ANKRD18A: variants seen among roughly 807,000 people sequenced by gnomAD.
ANKRD18A encodes the protein ankyrin repeat domain-containing protein 18A.
ANKRD18A carries 72 observed loss-of-function variants against 110.6 expected under a neutral mutation model. That is an observed-to-expected ratio of 0.65 (90% CI 0.54 to 0.79). ANKRD18A has a LOEUF of 0.79. Among genes scored for constraint, ANKRD18A ranks in the 30% least tolerant of loss-of-function variants. ANKRD18A has a pLI of 0.00. For missense variants in ANKRD18A, 934 were observed against 1,163.3 expected (o/e 0.80, Z 2.87); for synonymous variants, 305 against 410.3 (o/e 0.74, Z 3.10).
At chr9:38,597,782 A>C (rs1211105404) in intron 8 of ANKRD18A, among the ~76,000 whole-genome samples, 1 of 152,200 alleles carries the variant, frequency 6.6e-6, no homozygotes, top group Non-Finnish European at 1.5e-5. Flanking sequence ...CATAACGTAC[A>C]GGACTCAGCC....
chr9:38,596,573 T>C (rs1824891778), intron 8 of ANKRD18A, among the ~76,000 whole-genome samples, 170 bp from the exon 9 acceptor site: 1 of 152,064 alleles, frequency 6.6e-6, no homozygotes, highest in Non-Finnish European at 1.5e-5. Context: ...AGAACATACA[T>C]TTCAAAAAGT....
At position 38,618,491 on chromosome 9, in the gene ANKRD18A, A is replaced by G. The variant is rs1200786966; in HGVS notation, c.206+1589T>C. Among the ~76,000 whole-genome samples the G allele has an allele frequency of 1.1e-4, 16 of 152,290 alleles. 1 individual carries two copies. Among genetic ancestry groups the G allele is most frequent in the Middle Eastern group, 6.8e-3 (2 of 294 alleles). ...GTTCTTGTTAACATAAATGCTGGGGAAAAAAAGTGCATGTATCTCTATTTT... is the reference window on the plus strand; with the variant it reads ...GTTCTTGTTAACATAAATGCTGGGGGAAAAAAGTGCATGTATCTCTATTTT... On this transcript the variant is annotated intron_variant, in intron 1 of 15. Coordinates refer to ENST00000399703, the MANE Select transcript of ANKRD18A (RefSeq NM_147195.4).
At chr9:38,572,149 C>T in intron 15 of ANKRD18A, 90 bp from the exon 16 acceptor site, 1 of 974,276 alleles carries the variant, frequency 1.0e-6, no homozygotes, top group Non-Finnish European at 1.5e-6. Context: ...AGAACGTTAT[C>T]AGAGTTAATA....
intron 10 of ANKRD18A, 67 bp from the exon 11 acceptor site, chr9:38,588,730 A>G (rs1587502958): frequency 2.9e-6 from 3 of 1,040,076 alleles, no homozygotes; most frequent in Non-Finnish European, 2.5e-6. Flanking sequence ...TAAAAATATT[A>G]TTTCTCATAA....
At chr9:38,609,304 C>G (rs930519466) in intron 5 of ANKRD18A, among the ~76,000 whole-genome samples, 2 of 151,978 alleles carry the variant, frequency 1.3e-5, no homozygotes, top group Non-Finnish European at 2.9e-5. Flanking sequence ...ATGGTGAAAC[C>G]CCGTCACCAC....
chr9:38,592,243 G>A (rs544942441), intron 10 of ANKRD18A, among the ~76,000 whole-genome samples: 1 of 151,884 alleles, frequency 6.6e-6, no homozygotes, highest in East Asian at 1.9e-4. Context: ...GTTCTATGCT[G>A]AAAGCTGCCA....
intron 10 of ANKRD18A, among the ~76,000 whole-genome samples, chr9:38,593,281 CAT>C (rs1459934804): frequency 2.6e-5 from 4 of 152,158 alleles, no homozygotes; most frequent in African/African-American, 4.8e-5. Context: ...TAACCTAAAA[CAT>C]GTGCATTTCA....
chr9:38,595,545 C>G lies in ANKRD18A; in HGVS notation c.1795G>C (p.Glu599Gln). ...LEERNKELMK[E>Q]YNYLKEKLLQ... ...AGTTTTTCTTTTAAATAATTATATT[C>G]TTTCATTAATTCCTTATTTCTTTCT... The change falls in exon 9 of 16, where the codon GAA (glutamate) becomes CAA (glutamine). Residue 599 changes from glutamate (E) to glutamine (Q), a missense_variant. Glu to Gln is a conservative substitution (Grantham distance 29, BLOSUM62 2). Coordinates refer to ENST00000399703, the MANE Select transcript of ANKRD18A (RefSeq NM_147195.4). The G allele has an allele frequency of 6.5e-7, 1 of 1,526,922 alleles. No individual in the cohort carries two copies. The highest frequency in any genetic ancestry group is 8.8e-7 in the Non-Finnish European group (1 of 1,137,684). The allele number at this position is 1,526,922 out of a possible 1,614,324, so 94.6% of individuals were successfully genotyped here.
intron 12 of ANKRD18A, among the ~76,000 whole-genome samples, chr9:38,578,722 C>A: frequency 6.6e-6 from 1 of 152,020 alleles, no homozygotes; most frequent in Admixed American, 6.6e-5. Flanking sequence ...TACAAAAAAA[C>A]AAATTTAAAA....
At chr9:38,590,912 C>T (rs2799158) in intron 10 of ANKRD18A, among the ~76,000 whole-genome samples, 1,823 of 152,174 alleles carry the variant, frequency 0.012, 36 homozygotes, top group African/African-American at 0.041. Context: ...GACATCAAAG[C>T]GGCTAATAAT....
intron 6 of ANKRD18A, among the ~76,000 whole-genome samples, chr9:38,605,397 C>A (rs1825308419): frequency 6.6e-6 from 1 of 152,134 alleles, no homozygotes; most frequent in Non-Finnish European, 1.5e-5. Flanking sequence ...TATGTCAATT[C>A]CATCTTTGTC....
intron 3 of ANKRD18A, among the ~76,000 whole-genome samples, chr9:38,614,239 T>G (rs7848529): frequency 0.047 from 6,929 of 146,800 alleles, 532 homozygotes; most frequent in African/African-American, 0.15. Context: ...TTTTTTTTTT[T>G]TTTTGCTCTT....
At chr9:38,611,459 A>G in intron 3 of ANKRD18A, 138 bp from the exon 4 acceptor site, 1 of 1,435,494 alleles carries the variant, frequency 7.0e-7, no homozygotes, top group South Asian at 1.6e-5. Context: ...CGTCCCTTTC[A>G]CTCCTCTGTG....
At chr9:38,568,595 G>A (rs1264079589), downstream of ANKRD18A, among the ~76,000 whole-genome samples, 1 of 151,928 alleles carries the variant, frequency 6.6e-6, no homozygotes, top group Non-Finnish European at 1.5e-5. Context: ...GGTGAGGTTG[G>A]TGGCCGGTCC....
At chr9:38,607,687 T>A (rs1825421797) in intron 5 of ANKRD18A, among the ~76,000 whole-genome samples, 194 bp from the exon 6 acceptor site, 1 of 152,192 alleles carries the variant, frequency 6.6e-6, no homozygotes, top group South Asian at 2.1e-4. Flanking sequence ...CAGGAAGTGC[T>A]CATAAACTGA....
intron 12 of ANKRD18A, among the ~76,000 whole-genome samples, chr9:38,580,551 T>C (rs1278368325): frequency 6.6e-6 from 1 of 152,138 alleles, no homozygotes; most frequent in East Asian, 1.9e-4. Context: ...TGGTTAACTA[T>C]GATTTATTGA....
intron 1 of ANKRD18A, 132 bp downstream of exon 1, chr9:38,619,948 C>T (rs1587555039): frequency 8.6e-7 from 1 of 1,163,932 alleles, no homozygotes; most frequent in South Asian, 1.6e-5. Context: ...CGGAAAGCAG[C>T]TGAGGCTCCA....
Position 38,571,716 on chromosome 9 carries a change from C to G in ANKRD18A, c.*329G>C. ...CTTGGTTGTTTGGCTGTTTAAACAGCTGACATTCAGGCAATTTGAGTAGGC... is the reference window on the plus strand; with the variant it reads ...CTTGGTTGTTTGGCTGTTTAAACAGGTGACATTCAGGCAATTTGAGTAGGC... On this transcript the variant is annotated 3_prime_UTR_variant, in exon 16 of 16. Transcript: ENST00000399703. 9.5e-7 allele frequency: 1 copy of G among 1,048,462 alleles called. No individual in the cohort carries two copies. The highest frequency in any genetic ancestry group is 1.1e-6 in the Non-Finnish European group (1 of 871,416). The allele number at this position is 1,048,462 out of a possible 1,614,324, so 64.9% of individuals were successfully genotyped here.
chr9:38,575,519 G>C lies in ANKRD18A; in HGVS notation c.2921C>G (p.Ser974Ter). ...GCAGTTATTTGAAGTCTGTGGGTTT[G>C]AAGTAGGAATTCTTATGGCCGTTTT... is the stretch of plus-strand genomic sequence containing the variant. ...IPKTAIRIPT[S>*]NPQTSNNCKN... Residue 974 changes from serine (S) to a stop codon, truncating the protein, a stop_gained, in exon 15 of 16, where the codon TCA becomes TGA. Coordinates refer to ENST00000399703, the MANE Select transcript of ANKRD18A (RefSeq NM_147195.4). LOFTEE classifies it high-confidence loss of function. 6.4e-7 allele frequency: 1 copy of C among 1,551,642 alleles called. No individual in the cohort carries two copies. The highest frequency in any genetic ancestry group is 8.7e-7 in the Non-Finnish European group (1 of 1,146,826).
Sources: gnomAD v4.1 joint callset for allele counts (sites outside exome capture counted in the v4.1 genomes callset) on GRCh38, gnomAD v4.1.1 for gene constraint, MANE v1.5 for transcripts, NCBI Gene and HGNC (gene_info 2026-07-23, HGNC 2026-07-21) for gene names.